The following GRK5 variants were observed in gnomAD, a reference collection of about 807,000 sequenced individuals.
GRK5 encodes g protein-coupled receptor kinase GRK5.
GRK5 carries 40 observed loss-of-function variants against 78.4 expected under a neutral mutation model. That is an observed-to-expected ratio of 0.51 (90% CI 0.40 to 0.66). The LOEUF (loss-of-function observed/expected upper bound fraction) is 0.66. Among genes scored for constraint, GRK5 ranks in the 30% least tolerant of loss-of-function variants. The pLI, the probability that GRK5 is intolerant of heterozygous loss-of-function variation, is 0.00. For missense variants in GRK5, 598 were observed against 759.9 expected (o/e 0.79, Z 2.50); for synonymous variants, 289 against 296.8 (o/e 0.97, Z 0.27).
chr10:119,427,103 A>G (rs1852699319), intron 6 of GRK5, among the ~76,000 whole-genome samples: 1 of 152,106 alleles, frequency 6.6e-6, no homozygotes, highest in African/African-American at 2.4e-5. Context: ...CATCATCAGC[A>G]TCACTGCTAT....
chr10:119,450,597 G>A (rs908734435), intron 13 of GRK5, among the ~76,000 whole-genome samples: 3 of 152,158 alleles, frequency 2.0e-5, no homozygotes, highest in African/African-American at 4.8e-5. Flanking sequence ...GGGTCAGAGC[G>A]ACCAACTGTC....
chr10:119,407,308 T>C (rs1852258699), intron 4 of GRK5, among the ~76,000 whole-genome samples: 1 of 152,180 alleles, frequency 6.6e-6, no homozygotes, highest in Non-Finnish European at 1.5e-5. Flanking sequence ...GGAATCTTCC[T>C]TGTGGGGCTT....
intron 2 of GRK5, among the ~76,000 whole-genome samples, chr10:119,354,395 C>CTTT (rs60146483): frequency 0.012 from 1,043 of 87,694 alleles, 4 homozygotes; most frequent in Non-Finnish European, 0.014. Context: ...CCTACATCTC[C>CTTT]TTTTTTTTTT....
chr10:119,455,150 G>T lies in GRK5; in HGVS notation c.*83G>T. On this transcript the variant is annotated 3_prime_UTR_variant, in exon 16 of 16. Coordinates refer to ENST00000392870, the MANE Select transcript of GRK5 (RefSeq NM_005308.3). ...GTGGAAGTAGTGGAGCCCCTGCTCTGGTGGGGCTGCCAGGGGAGACCCCGG... is the reference window on the plus strand; with the variant it reads ...GTGGAAGTAGTGGAGCCCCTGCTCTTGTGGGGCTGCCAGGGGAGACCCCGG... 8.8e-7 allele frequency: 1 copy of T among 1,134,172 alleles called. No individual in the cohort carries two copies. 70.3% of individuals were successfully genotyped at this position (1,134,172 alleles called of 1,614,324 possible). A position where few individuals can be genotyped will look rare whatever the true frequency, so the allele number is the denominator to read the frequency against.
chr10:119,334,049 G>A (rs1224345316), intron 2 of GRK5, among the ~76,000 whole-genome samples: 1 of 152,220 alleles, frequency 6.6e-6, no homozygotes, highest in Non-Finnish European at 1.5e-5. Context: ...GATGGATGTT[G>A]CCTTCTCTTC....
Position 119,207,728 on chromosome 10 carries a change from CGG to C in GRK5, c.-189_-188del. On this transcript the variant is annotated 5_prime_UTR_variant, in exon 1 of 16. Transcript: ENST00000392870. ...GAAGCGGCGGCGGCGGCGGCGGCGGCGGCGGCTCCTCTTTGCAGAGGGGGAAA... is the reference window on the plus strand; with the variant it reads ...GAAGCGGCGGCGGCGGCGGCGGCGGCCGGCTCCTCTTTGCAGAGGGGGAAA... The C allele has an allele frequency of 5.4e-6, 3 of 556,984 alleles. No homozygotes were observed. Among genetic ancestry groups the C allele is most frequent in the Admixed American group, 3.9e-5 (1 of 25,930 alleles). The allele number at this position is 556,984 out of a possible 1,614,324, so 34.5% of individuals were successfully genotyped here. A position where few individuals can be genotyped will look rare whatever the true frequency, so the allele number is the denominator to read the frequency against.
chr10:119,332,142 T>G (rs920394824), intron 2 of GRK5, among the ~76,000 whole-genome samples: 1 of 151,380 alleles, frequency 6.6e-6, no homozygotes, highest in Non-Finnish European at 1.5e-5. Context: ...AGTTTGACTC[T>G]GTCGCTCAGG....
Position 119,452,891 on chromosome 10 carries a change from G to T in GRK5, c.1542+83G>T. ...AAGGAGGCGTCGGGAATATGAGTTT[G>T]GCGGCAGGAGGCTGAGCGCATGGTT... On this transcript the variant is annotated intron_variant, in intron 14 of 15. Coordinates refer to ENST00000392870, the MANE Select transcript of GRK5 (RefSeq NM_005308.3). This position sits in a 1 kb window ranked among gnomAD's most constrained non-coding sequence, Gnocchi z 4.4. 7.0e-7 allele frequency: 1 copy of T among 1,438,762 alleles called. No individual in the cohort carries two copies. The allele number at this position is 1,438,762 out of a possible 1,614,324, so 89.1% of individuals were successfully genotyped here.
At chr10:119,407,072 C>T (rs1852254102) in intron 4 of GRK5, among the ~76,000 whole-genome samples, 1 of 152,190 alleles carries the variant, frequency 6.6e-6, no homozygotes. Flanking sequence ...TCTGCAGATT[C>T]CCAGCGTGCA....
chr10:119,209,857 A>T (rs1474081274), intron 1 of GRK5, among the ~76,000 whole-genome samples: 1 of 152,068 alleles, frequency 6.6e-6, no homozygotes, highest in African/African-American at 2.4e-5. Context: ...TGCCTGATAG[A>T]TGCTTTTTTT....
At chr10:119,360,099 G>A (rs1851335417) in intron 2 of GRK5, among the ~76,000 whole-genome samples, 1 of 151,350 alleles carries the variant, frequency 6.6e-6, no homozygotes, top group Non-Finnish European at 1.5e-5. Context: ...GGAGGCTGAG[G>A]AGGCCGAGGG....
At chr10:119,239,876 C>G (rs1447102739) in intron 1 of GRK5, among the ~76,000 whole-genome samples, 1 of 152,128 alleles carries the variant, frequency 6.6e-6, no homozygotes, top group East Asian at 1.9e-4. Flanking sequence ...GCATAGTATT[C>G]CATGGTGTAT....
At chr10:119,327,177 G>A (rs1478155779) in intron 2 of GRK5, among the ~76,000 whole-genome samples, 2 of 152,176 alleles carry the variant, frequency 1.3e-5, no homozygotes, top group Admixed American at 1.3e-4. Flanking sequence ...GAGCCACTGG[G>A]CTCAGTGGCA....
At chr10:119,309,004 G>T (rs565377000) in intron 1 of GRK5, among the ~76,000 whole-genome samples, 1 of 152,230 alleles carries the variant, frequency 6.6e-6, no homozygotes, top group Non-Finnish European at 1.5e-5. Context: ...GAGGAGGCTG[G>T]TGCTGAGGCT....
Position 119,459,722 on chromosome 10 carries a change from G to A in GRK5, c.*4655G>A, listed in dbSNP as rs1564944899. Reference sequence around the variant, plus strand: ...AGCCACTGTTGTTGTTTTTAAAAGAGAAATAAATTCCTTAATGGAAGTAGC... The same window carrying A: ...AGCCACTGTTGTTGTTTTTAAAAGAAAAATAAATTCCTTAATGGAAGTAGC... On this transcript the variant is annotated 3_prime_UTR_variant, in exon 16 of 16. Coordinates refer to ENST00000392870, the MANE Select transcript of GRK5 (RefSeq NM_005308.3). 6.6e-6 allele frequency: 1 copy of A among 152,222 alleles called. No individual in the cohort carries two copies. The highest frequency in any genetic ancestry group is 1.5e-5 in the Non-Finnish European group (1 of 68,044). The allele number at this position is 152,222 out of a possible 1,614,324, so 9.4% of individuals were successfully genotyped here. A position where few individuals can be genotyped will look rare whatever the true frequency, so the allele number is the denominator to read the frequency against.
chr10:119,291,928 T>TTTTCC (rs748253606), intron 1 of GRK5, among the ~76,000 whole-genome samples: 20 of 130,088 alleles, frequency 1.5e-4, no homozygotes, highest in African/African-American at 5.1e-4. Flanking sequence ...TTCTTCCTCC[T>TTTTCC]TCTTTTCCTC....
At chr10:119,261,178 A>G (rs1849386422) in intron 1 of GRK5, among the ~76,000 whole-genome samples, 1 of 148,186 alleles carries the variant, frequency 6.7e-6, no homozygotes, top group African/African-American at 2.5e-5. Flanking sequence ...CTCACTTCTC[A>G]AACGGGGCGG....
At chr10:119,306,307 G>T (rs932082828) in intron 1 of GRK5, among the ~76,000 whole-genome samples, 19 of 152,222 alleles carry the variant, frequency 1.2e-4, no homozygotes, top group Admixed American at 3.3e-4. Flanking sequence ...AGACACCTCT[G>T]TGTGAGTCTG....
intron 2 of GRK5, 65 bp downstream of exon 2, chr10:119,326,676 G>A (rs1266288513): frequency 7.9e-7 from 1 of 1,262,956 alleles, no homozygotes; most frequent in Non-Finnish European, 1.2e-6. Context: ...AGCCGTTTGT[G>A]CATTAAGGCA....
Sources: gnomAD v4.1 joint callset for allele counts (sites outside exome capture counted in the v4.1 genomes callset) on GRCh38, gnomAD v4.1.1 for gene constraint, Gnocchi (gnomAD v3.1) non-coding constraint, MANE v1.5 for transcripts, NCBI Gene and HGNC (gene_info 2026-07-23, HGNC 2026-07-21) for gene names.